The following PKHD1 variants were observed in gnomAD, a reference collection of about 807,000 sequenced individuals.
PKHD1 encodes fibrocystin.
A neutral mutation model predicts 412.0 loss-of-function variants in PKHD1; 291 were observed. The ratio of observed to expected loss-of-function variants is 0.71; its 90% CI spans 0.64 to 0.78. The LOEUF is 0.78. Ranked by LOEUF, PKHD1 falls within the 30% of genes least tolerant of loss-of-function variation. The pLI is 0.00. For synonymous variants in PKHD1, 1,777 were observed against 1,821.5 expected (o/e 0.98, Z 0.62); for missense variants, 4,825 against 4,950.7 (o/e 0.97, Z 0.76).
In PKHD1 at chr6:51,627,108, G is replaced by T; in HGVS notation, c.11674C>A (p.Pro3892Thr). Residue 3892 changes from proline (P) to threonine (T), a missense_variant, in exon 66 of 67, where the codon CCT (proline) becomes ACT (threonine). Physicochemically the swap from Pro to Thr is conservative, Grantham distance 38. Coordinates refer to ENST00000371117, the MANE Select transcript of PKHD1 (RefSeq NM_138694.4). Reference protein sequence around the residue: ...LKRSKSRKTKPEEIPESQTNN... With the variant: ...LKRSKSRKTKTEEIPESQTNN... ...GTCTGGGATTCAGGAATCTCTTCAG[G>T]TTTTGTTTCTGTATTAATGGAGAAG... The T allele has an allele frequency of 6.2e-7, 1 of 1,611,648 alleles. No individual in the cohort carries two copies. Among genetic ancestry groups the T allele is most frequent in the Non-Finnish European group, 8.5e-7 (1 of 1,177,960 alleles).
At chr6:52,037,233 T>C (rs971174995) in intron 27 of PKHD1, among the ~76,000 whole-genome samples, 1 of 152,122 alleles carries the variant, frequency 6.6e-6, no homozygotes, top group Non-Finnish European at 1.5e-5. Flanking sequence ...AAATTCCCAA[T>C]TTATCAAATA....
chr6:52,086,778 G>A (rs1812858670), intron 1 of PKHD1, among the ~76,000 whole-genome samples: 4 of 152,072 alleles, frequency 2.6e-5, no homozygotes, highest in South Asian at 2.1e-4. Flanking sequence ...GTTCCTTTTC[G>A]TTGCAAAATT....
At chr6:51,934,522 G>A (rs1266860315) in intron 36 of PKHD1, among the ~76,000 whole-genome samples, 200 bp from the exon 37 acceptor site, 2 of 152,112 alleles carry the variant, frequency 1.3e-5, no homozygotes. Flanking sequence ...GCCAGTTTAG[G>A]TTAGCTATTA....
chr6:51,777,540 G>A (rs1180265345), intron 53 of PKHD1, among the ~76,000 whole-genome samples: 1 of 152,080 alleles, frequency 6.6e-6, no homozygotes, highest in Admixed American at 6.6e-5. Flanking sequence ...AGAGCAGAAA[G>A]AAGGGAAGCA....
chr6:51,967,395 A>C lies in PKHD1; in HGVS notation c.5752-7369T>G, dbSNP rs552804842. Among the ~76,000 whole-genome samples the C allele has an allele frequency of 1.5e-3, 223 of 152,258 alleles. 2 individuals carry two copies. Among genetic ancestry groups the C allele is most frequent in the Admixed American group, 0.012 (188 of 15,286 alleles). ...CTATACTATCAGTATAGTACCTATAATATGCTCAGTATAGTGTATCTATAG... is the reference window on the plus strand; with the variant it reads ...CTATACTATCAGTATAGTACCTATACTATGCTCAGTATAGTGTATCTATAG... On this transcript the variant is annotated intron_variant, in intron 35 of 66. Coordinates refer to ENST00000371117, the MANE Select transcript of PKHD1 (RefSeq NM_138694.4).
At chr6:51,859,251 G>T (rs908597633) in intron 48 of PKHD1, among the ~76,000 whole-genome samples, 1 of 152,000 alleles carries the variant, frequency 6.6e-6, no homozygotes, top group African/African-American at 2.4e-5. Flanking sequence ...CCTCGGCCGG[G>T]AGCGGTGGCT....
At chr6:51,982,156 C>A (rs1321373822) in intron 35 of PKHD1, among the ~76,000 whole-genome samples, 1 of 45,936 alleles carries the variant, frequency 2.2e-5, no homozygotes, top group Non-Finnish European at 4.9e-5. Flanking sequence ...AGCGTCTCCG[C>A]CCGGCAGCCA....
chr6:51,852,567 T>A (rs1772474188), intron 49 of PKHD1, among the ~76,000 whole-genome samples: 1 of 152,204 alleles, frequency 6.6e-6, no homozygotes, highest in South Asian at 2.1e-4. Flanking sequence ...AGAACTTGTT[T>A]TATCAATCTG....
At chr6:51,870,482 T>C (rs754509551) in intron 47 of PKHD1, 22 bp downstream of exon 47, 2 of 1,594,226 alleles carry the variant, frequency 1.3e-6, no homozygotes, top group African/African-American at 2.7e-5. Flanking sequence ...TTATCATCTG[T>C]TCTGTCTATT....
At chr6:52,076,435 T>C in intron 5 of PKHD1, 102 bp from the exon 6 acceptor site, 1 of 823,218 alleles carries the variant, frequency 1.2e-6, no homozygotes. Context: ...AGGTAATAAA[T>C]GCTTATATTT....
intron 52 of PKHD1, among the ~76,000 whole-genome samples, chr6:51,805,729 C>T (rs180936813): frequency 1.2e-4 from 19 of 152,126 alleles, no homozygotes; most frequent in Non-Finnish European, 2.2e-4. Flanking sequence ...AGGGAAATTA[C>T]ACAGCCAACT....
At position 51,934,112 on chromosome 6, in the gene PKHD1, T is replaced by G. The variant is rs768853868; in HGVS notation, c.6119A>C (p.His2040Pro). 1.2e-6 allele frequency: 2 copies of G among 1,607,664 alleles called. No individual in the cohort carries two copies. The highest frequency in any genetic ancestry group is 1.7e-6 in the Non-Finnish European group (2 of 1,174,018). The change falls in exon 37 of 67, where the codon CAC becomes CCC. Residue 2040 changes from histidine to proline, a missense_variant and splice_region_variant. Transcript: ENST00000371117. Reference protein sequence around the residue: ...LAVRNGTLSLHGSLPEVIVTC... With the variant: ...LAVRNGTLSLPGSLPEVIVTC... ...CTCTGATCAATTGCCTCACTCACCG[T>G]GCAGAGAAAGAGTTCCATTCCTCAC...
intron 36 of PKHD1, among the ~76,000 whole-genome samples, chr6:51,950,253 C>T (rs2127871496): frequency 8.6e-6 from 1 of 116,942 alleles, no homozygotes; most frequent in East Asian, 3.2e-4. Context: ...AATAAAATCA[C>T]TGACTCAGAG....
intron 35 of PKHD1, among the ~76,000 whole-genome samples, chr6:51,991,368 A>G (rs1797023052): frequency 6.6e-6 from 1 of 152,226 alleles, no homozygotes; most frequent in Non-Finnish European, 1.5e-5. Flanking sequence ...CTAGAAATTC[A>G]AATAAATGTA....
At chr6:52,000,489 T>G (rs1798240738) in intron 35 of PKHD1, among the ~76,000 whole-genome samples, 1 of 152,224 alleles carries the variant, frequency 6.6e-6, no homozygotes, top group Non-Finnish European at 1.5e-5. Flanking sequence ...TTACACACAG[T>G]ATTTATTTAG....
chr6:51,870,774 A>G (rs1775864745), intron 46 of PKHD1, 135 bp from the exon 47 acceptor site: 4 of 685,624 alleles, frequency 5.8e-6, no homozygotes, highest in Admixed American at 2.6e-5. Flanking sequence ...CCAATCACAC[A>G]TATGACAAAG....
At chr6:51,869,461 A>G (rs576824032) in intron 47 of PKHD1, among the ~76,000 whole-genome samples, 9 of 152,134 alleles carry the variant, frequency 5.9e-5, no homozygotes, top group Non-Finnish European at 1.0e-4. Flanking sequence ...GCCTAGATCA[A>G]GAGTTCCTGG....
intron 60 of PKHD1, chr6:51,721,287 T>C: frequency 2.2e-6 from 2 of 911,936 alleles, no homozygotes; most frequent in Non-Finnish European, 2.6e-6. Flanking sequence ...ACATTTATGT[T>C]CTTTCTTTAC....
intron 66 of PKHD1, chr6:51,622,622 A>C (rs950533406): frequency 6.6e-6 from 1 of 152,236 alleles, no homozygotes; most frequent in African/African-American, 2.4e-5. Flanking sequence ...TTTCTTCTTA[A>C]TAAGCAATGT....
Sources: gnomAD v4.1 joint callset for allele counts (sites outside exome capture counted in the v4.1 genomes callset) on GRCh38, gnomAD v4.1.1 for gene constraint, MANE v1.5 for transcripts, NCBI Gene and HGNC (gene_info 2026-07-23, HGNC 2026-07-21) for gene names.